The following C1orf94 variants were observed in gnomAD, a reference collection of about 807,000 sequenced individuals.
The protein encoded by C1orf94 is chromosome 1 open reading frame 94.
C1orf94 carries 45 observed loss-of-function variants against 53.6 expected under a neutral mutation model. That is an observed-to-expected ratio of 0.84 (90% CI 0.66 to 1.08). The LOEUF is 1.08. C1orf94 is among the 50% of genes least tolerant of loss of function. The probability of loss-of-function intolerance (pLI) is 0.00; values close to 1 mark genes in which losing one functional copy is unlikely to be tolerated. For missense variants in C1orf94, 762 were observed against 738.9 expected (o/e 1.03, Z -0.36); for synonymous variants, 304 against 296.1 (o/e 1.03, Z -0.27).
In C1orf94 at chr1:34,168,410, G is replaced by A. The variant is rs142097580; in HGVS notation, c.-251+1239G>A. Among the ~76,000 whole-genome samples the A allele has an allele frequency of 8.0e-3, 1,218 of 152,134 alleles. 11 individuals carry two copies. Among genetic ancestry groups the A allele is most frequent in the Non-Finnish European group, 0.01 (686 of 67,996 alleles). ...AAAGGAAAGGGGGCCAGGAGGAGGAGGATGGGGCTGGATCCAGGTAAGCAA... is the reference window on the plus strand; with the variant it reads ...AAAGGAAAGGGGGCCAGGAGGAGGAAGATGGGGCTGGATCCAGGTAAGCAA... On this transcript the variant is annotated intron_variant, in intron 1 of 6. Transcript: ENST00000373374.
rs1479225851 is a variant in C1orf94, at chr1:34,195,805, T to C, written c.321-1420T>C. On this transcript the variant is annotated intron_variant, in intron 1 of 6. Coordinates refer to ENST00000488417, the MANE Select transcript of C1orf94 (RefSeq NM_001134734.2). ...GTGTGTGTGTGTGTGTGTGTGTGTG[T>C]GTGTGCGTTTGTACACAATAAGCAT... is the stretch of plus-strand genomic sequence containing the variant. 4.6e-5 allele frequency among the ~76,000 whole-genome samples: 7 copies of C among 151,188 alleles called. No individual in the cohort carries two copies. In the East Asian group the frequency reaches 5.9e-4, roughly 13 times the overall value.
chr1:34,204,642 G>A (rs1642764419), intron 4 of C1orf94, among the ~76,000 whole-genome samples: 1 of 151,998 alleles, frequency 6.6e-6, no homozygotes, highest in East Asian at 1.9e-4. Flanking sequence ...TCATTTCTAT[G>A]TATTTATTTA....
upstream of C1orf94, among the ~76,000 whole-genome samples, chr1:34,172,136 G>A (rs1054571976): frequency 3.3e-5 from 5 of 152,310 alleles, no homozygotes; most frequent in Admixed American, 6.5e-5. Flanking sequence ...AAAGGGCCTC[G>A]CCAGGAATCC....
intron 1 of C1orf94, among the ~76,000 whole-genome samples, chr1:34,191,843 T>C (rs1642498041): frequency 6.6e-6 from 1 of 152,210 alleles, no homozygotes; most frequent in Admixed American, 6.5e-5. Flanking sequence ...GTCATTATTC[T>C]GAGAAGGGGT....
At chr1:34,201,119 C>T in intron 3 of C1orf94, 87 bp downstream of exon 3, 2 of 1,495,602 alleles carry the variant, frequency 1.3e-6, no homozygotes, top group South Asian at 2.6e-5. Flanking sequence ...CACCAAGTGG[C>T]TGTCTTATCT....
chr1:34,190,969 T>C (rs1642472002), intron 1 of C1orf94, among the ~76,000 whole-genome samples: 1 of 152,202 alleles, frequency 6.6e-6, no homozygotes, highest in Admixed American at 6.5e-5. Flanking sequence ...TGGCTGAACT[T>C]GGCTCATGCT....
chr1:34,178,053 G>T lies in C1orf94; in HGVS notation c.264G>T (p.Gln88His). Residue 88 changes from glutamine to histidine, a missense_variant, in exon 1 of 7, where the codon CAG (glutamine) becomes CAT (histidine). Physicochemically the swap from Gln to His is conservative, Grantham distance 24 (BLOSUM62 0). Transcript: ENST00000488417. ...EASQPWTSMEQLSVPVVGTLR... is the reference protein window; with the variant it reads ...EASQPWTSMEHLSVPVVGTLR... ...CACAGCCCTGGACCTCCATGGAGCA[G>T]CTCTCTGTCCCTGTGGTTGGAACTC... is the stretch of plus-strand genomic sequence containing the variant. The T allele has an allele frequency of 6.4e-7, 1 of 1,551,750 alleles. No homozygotes were observed. The highest frequency in any genetic ancestry group is 8.7e-7 in the Non-Finnish European group (1 of 1,147,002).
At chr1:34,182,682 G>T (rs1203687225) in intron 1 of C1orf94, among the ~76,000 whole-genome samples, 2 of 152,184 alleles carry the variant, frequency 1.3e-5, no homozygotes, top group Non-Finnish European at 2.9e-5. Flanking sequence ...CTCATGCTCT[G>T]CTTCACGCAC....
upstream of C1orf94, among the ~76,000 whole-genome samples, chr1:34,173,387 T>A (rs1439905347): frequency 1.3e-5 from 2 of 152,230 alleles, no homozygotes; most frequent in Admixed American, 6.5e-5. Context: ...GTAAGCAGCC[T>A]TAGGGGCTAT....
chr1:34,206,876 G>A (rs977053019), intron 4 of C1orf94, among the ~76,000 whole-genome samples: 2 of 152,186 alleles, frequency 1.3e-5, no homozygotes, highest in African/African-American at 2.4e-5. Context: ...AGTGGGAGGG[G>A]CCTGAGCATG....
rs1354519009 is a variant in C1orf94 at position 34,177,698 on chromosome 1, A to G, written c.-92A>G. ...CACCCACCCCTCCCACACAAATAGA[A>G]GGCCTCTGAACCTAACCACCTTGCT... On this transcript the variant is annotated 5_prime_UTR_variant, in exon 1 of 7. Coordinates refer to ENST00000488417, the MANE Select transcript of C1orf94 (RefSeq NM_001134734.2). The G allele has an allele frequency of 8.6e-7, 1 of 1,165,088 alleles. No homozygotes were observed. The highest frequency in any genetic ancestry group is 1.2e-6 in the Non-Finnish European group (1 of 845,330). 72.2% of individuals were successfully genotyped at this position (1,165,088 alleles called of 1,614,324 possible).
intron 2 of C1orf94, among the ~76,000 whole-genome samples, chr1:34,199,281 G>A (rs995865818): frequency 6.6e-6 from 1 of 152,170 alleles, no homozygotes; most frequent in African/African-American, 2.4e-5. Flanking sequence ...AAATATGAGT[G>A]GGAAGCTGCA....
intron 2 of C1orf94, 149 bp downstream of exon 2, chr1:34,198,062 G>A: frequency 1.1e-6 from 1 of 891,832 alleles, no homozygotes. Flanking sequence ...CGAGGGACGG[G>A]CTGTTTCCAG....
Position 34,177,829 on chromosome 1 carries a change from C to T in C1orf94, c.40C>T (p.Gln14Ter). Residue 14 changes from glutamine to a stop codon, truncating the protein, a stop_gained, in exon 1 of 7, where the codon CAG (glutamine) becomes TAG (stop). Transcript: ENST00000488417. LOFTEE classifies it high-confidence loss of function. The stretch of plus-strand genomic sequence containing the variant: ...TGGTTGTGTTCTAGCCCTGGGTGGA[C>T]AGAGGGGCTTCCAGAAAGAGAGGAG... ...GGGCVLALGG[Q>*]RGFQKERRRM... 1 of 1,549,626 alleles carries T rather than the reference C, an allele frequency of 6.5e-7. No homozygotes were observed. The highest frequency in any genetic ancestry group is 8.7e-7 in the Non-Finnish European group (1 of 1,145,580).
At position 34,197,850 on chromosome 1, in the gene C1orf94, G is replaced by A; in HGVS notation, c.946G>A (p.Val316Met). Reference protein sequence around the residue: ...ELPAQKRQLPVFAKICSKPKA... With the variant: ...ELPAQKRQLPMFAKICSKPKA... ...CCCTGCTCAGAAGAGGCAGCTCCCA[G>A]TGTTTGCCAAGATCTGTTCCAAGCC... The change falls in exon 2 of 7, where the codon GTG becomes ATG. Residue 316 changes from valine (V) to methionine (M), a missense_variant. Val to Met is a conservative substitution (Grantham distance 21, BLOSUM62 1). Coordinates refer to ENST00000488417, the MANE Select transcript of C1orf94 (RefSeq NM_001134734.2). The surrounding 1 kb of genome is among the most constrained non-coding windows in gnomAD (Gnocchi z 4.1). 1 of 1,614,230 alleles carries A rather than the reference G, an allele frequency of 6.2e-7. No individual in the cohort carries two copies.
At chr1:34,203,999 T>C (rs1245826443) in intron 4 of C1orf94, among the ~76,000 whole-genome samples, 2 of 152,190 alleles carry the variant, frequency 1.3e-5, no homozygotes, top group African/African-American at 4.8e-5. Context: ...TATGTCATTG[T>C]ATGGGGAAGG....
chr1:34,168,463 A>G (rs1019852228), intron 1 of C1orf94, among the ~76,000 whole-genome samples: 4 of 152,154 alleles, frequency 2.6e-5, no homozygotes, highest in East Asian at 1.9e-4. Context: ...GGCAGATCAC[A>G]TAGGGTCTAT....
intron 4 of C1orf94, among the ~76,000 whole-genome samples, chr1:34,204,640 A>G (rs577987934): frequency 1.3e-5 from 2 of 152,146 alleles, no homozygotes; most frequent in African/African-American, 4.8e-5. Flanking sequence ...ACTCATTTCT[A>G]TGTATTTATT....
At chr1:34,210,268 C>T (rs1256451812) in intron 5 of C1orf94, among the ~76,000 whole-genome samples, 4 of 152,210 alleles carry the variant, frequency 2.6e-5, no homozygotes, top group Admixed American at 6.5e-5. Flanking sequence ...CCCATCTGAC[C>T]TGCGAGGTGC....
Sources: allele counts gnomAD v4.1 joint callset (sites outside exome capture counted in the v4.1 genomes callset), GRCh38; gene constraint gnomAD v4.1.1; non-coding constraint Gnocchi (gnomAD v3.1); transcripts MANE v1.5; gene names NCBI Gene and HGNC (gene_info 2026-07-23, HGNC 2026-07-21).